PPP1R16B: variants seen among roughly 807,000 people sequenced by gnomAD.
PPP1R16B encodes protein phosphatase 1 regulatory inhibitor subunit 16B.
In PPP1R16B, 14 loss-of-function variants were observed where a neutral mutation model predicts 61.7. That is an observed-to-expected ratio of 0.23 (90% CI 0.15 to 0.35). PPP1R16B has a LOEUF of 0.35. Among genes scored for constraint, PPP1R16B ranks in the 10% least tolerant of loss-of-function variants. The pLI, the probability that PPP1R16B is intolerant of heterozygous loss-of-function variation, is 1.00. For synonymous variants in PPP1R16B, 266 were observed against 305.3 expected (o/e 0.87, Z 1.34); for missense variants, 547 against 752.5 (o/e 0.73, Z 3.19).
intron 1 of PPP1R16B, among the ~76,000 whole-genome samples, chr20:38,814,486 A>G (rs1009085762): frequency 6.6e-6 from 1 of 152,170 alleles, no homozygotes; most frequent in Non-Finnish European, 1.5e-5. Context: ...TAAAACAGGA[A>G]TAATAATAGT....
chr20:38,888,237 G>A (rs2085261366), intron 2 of PPP1R16B, among the ~76,000 whole-genome samples: 2 of 152,208 alleles, frequency 1.3e-5, no homozygotes, highest in East Asian at 1.9e-4. Context: ...CTGGGGGTGG[G>A]AGGAGGCTCA....
At chr20:38,825,549 G>T (rs141398554) in intron 1 of PPP1R16B, among the ~76,000 whole-genome samples, 45 of 152,246 alleles carry the variant, frequency 3.0e-4, no homozygotes, top group Non-Finnish European at 6.0e-4. Flanking sequence ...CCTAGAGTCT[G>T]GATCTAGTCA....
intron 7 of PPP1R16B, 30 bp from the exon 8 acceptor site, chr20:38,906,949 G>T: frequency 2.5e-6 from 4 of 1,597,688 alleles, no homozygotes; most frequent in Non-Finnish European, 3.4e-6. Context: ...TCTGGGCAGG[G>T]GGACACATGA....
intron 2 of PPP1R16B, among the ~76,000 whole-genome samples, chr20:38,851,408 T>A (rs1360034525): frequency 6.6e-6 from 1 of 151,592 alleles, no homozygotes; most frequent in African/African-American, 2.4e-5. Context: ...GAGGTTGCAG[T>A]GAGTTGAGAT....
intron 2 of PPP1R16B, among the ~76,000 whole-genome samples, chr20:38,842,420 T>C (rs1357272894): frequency 6.6e-6 from 1 of 152,206 alleles, no homozygotes; most frequent in African/African-American, 2.4e-5. Context: ...TGTTAGAGAC[T>C]TCTGTTTTTC....
At chr20:38,868,903 C>T (rs544395653) in intron 2 of PPP1R16B, among the ~76,000 whole-genome samples, 1 of 152,242 alleles carries the variant, frequency 6.6e-6, no homozygotes, top group South Asian at 2.1e-4. Flanking sequence ...TAAAATATAT[C>T]ATTAAAATAT....
intron 1 of PPP1R16B, among the ~76,000 whole-genome samples, chr20:38,828,486 C>G (rs991118653): frequency 6.6e-6 from 1 of 152,206 alleles, no homozygotes; most frequent in Non-Finnish European, 1.5e-5. Context: ...TCAACTGGCT[C>G]AAATAATAAA....
At chr20:38,885,924 C>T (rs188357009) in intron 2 of PPP1R16B, among the ~76,000 whole-genome samples, 6 of 152,152 alleles carry the variant, frequency 3.9e-5, no homozygotes, top group African/African-American at 9.6e-5. Context: ...TACAGGCGTG[C>T]GCCACCACGC....
At position 38,891,973 on chromosome 20, in the gene PPP1R16B, A is replaced by ATGTGG. The variant is rs374300568; in HGVS notation, c.321+2308_321+2309insTGTGG. Among the ~76,000 whole-genome samples the ATGTGG allele has an allele frequency of 5.0e-3, 757 of 152,282 alleles. 4 individuals carry two copies. Among genetic ancestry groups the ATGTGG allele is most frequent in the African/African-American group, 0.017 (707 of 41,544 alleles). ...CAGCACTCGAAATGTGGCTGATGTG[A>ATGTGG]CTGAGGAAATGGATTTTGAAGTTTA... is the stretch of plus-strand genomic sequence containing the variant. On this transcript the variant is annotated intron_variant, in intron 3 of 10. Coordinates refer to ENST00000299824, the MANE Select transcript of PPP1R16B (RefSeq NM_015568.4).
chr20:38,883,723 A>T (rs2085220657), intron 2 of PPP1R16B, among the ~76,000 whole-genome samples: 1 of 152,196 alleles, frequency 6.6e-6, no homozygotes, highest in Non-Finnish European at 1.5e-5. Flanking sequence ...GAGGTGCAAG[A>T]TGTTGATGGT....
chr20:38,806,632 C>T lies in PPP1R16B; in HGVS notation c.-102+840C>T, dbSNP rs2084663514. 6.6e-6 allele frequency among the ~76,000 whole-genome samples: 1 copy of T among 152,124 alleles called. No individual in the cohort carries two copies. Among genetic ancestry groups the T allele is most frequent in the Non-Finnish European group, 1.5e-5 (1 of 67,996 alleles). ...CACCCGGAGTGCCCAGGCTGAGCTGCCCAGACCGCCCCGGGTGGAGAGCCG... is the reference window on the plus strand; with the variant it reads ...CACCCGGAGTGCCCAGGCTGAGCTGTCCAGACCGCCCCGGGTGGAGAGCCG... On this transcript the variant is annotated intron_variant, in intron 1 of 10. Transcript: ENST00000299824. The surrounding 1 kb of genome is among the most constrained non-coding windows in gnomAD (Gnocchi z 4.5).
intron 2 of PPP1R16B, among the ~76,000 whole-genome samples, chr20:38,885,392 G>T (rs186889961): frequency 1.6e-4 from 24 of 152,258 alleles, no homozygotes; most frequent in Admixed American, 5.2e-4. Context: ...TAGAGGCTTG[G>T]CCTGGGATTG....
At chr20:38,905,751 C>T (rs188411493) in intron 6 of PPP1R16B, among the ~76,000 whole-genome samples, 5 of 152,310 alleles carry the variant, frequency 3.3e-5, no homozygotes, top group African/African-American at 1.2e-4. Flanking sequence ...GATGCTAAGA[C>T]CAACCACAGG....
intron 10 of PPP1R16B, among the ~76,000 whole-genome samples, chr20:38,911,522 A>G (rs1056164869): frequency 6.8e-6 from 1 of 147,708 alleles, no homozygotes; most frequent in Non-Finnish European, 1.5e-5. Context: ...TAAAATTTAC[A>G]TATCCATGCT....
chr20:38,867,409 G>C (rs1243458443), intron 2 of PPP1R16B, among the ~76,000 whole-genome samples: 1 of 152,310 alleles, frequency 6.6e-6, no homozygotes, highest in African/African-American at 2.4e-5. Context: ...GGGATCTGGA[G>C]CGAGACCATC....
At position 38,806,474 on chromosome 20, in the gene PPP1R16B, C is replaced by A. The variant is rs531171299; in HGVS notation, c.-102+682C>A. Reference sequence around the variant, plus strand: ...CCCGTGCGCCGGCGGCTGGGTCCCCCGCGCCAGGAGCGCTCCCCTCTGGGC... The same window carrying A: ...CCCGTGCGCCGGCGGCTGGGTCCCCAGCGCCAGGAGCGCTCCCCTCTGGGC... On this transcript the variant is annotated intron_variant, in intron 1 of 10. Coordinates refer to ENST00000299824, the MANE Select transcript of PPP1R16B (RefSeq NM_015568.4). The surrounding 1 kb of genome is among the most constrained non-coding windows in gnomAD (Gnocchi z 4.5). Among the ~76,000 whole-genome samples, 1 of 152,078 alleles carries A rather than the reference C, an allele frequency of 6.6e-6. No homozygotes were observed. The highest frequency in any genetic ancestry group is 1.5e-5 in the Non-Finnish European group (1 of 67,996).
intron 2 of PPP1R16B, among the ~76,000 whole-genome samples, chr20:38,840,118 C>A (rs1173943967): frequency 6.6e-6 from 1 of 152,190 alleles, no homozygotes; most frequent in East Asian, 1.9e-4. Flanking sequence ...CATCAGTCAG[C>A]CCTTGACCTC....
At chr20:38,850,137 A>T (rs1420325239) in intron 2 of PPP1R16B, among the ~76,000 whole-genome samples, 4 of 152,208 alleles carry the variant, frequency 2.6e-5, no homozygotes, top group Non-Finnish European at 5.9e-5. Flanking sequence ...TGGCAACCTC[A>T]GTAAGAATAA....
chr20:38,835,935 CACGTGG>C lies in PPP1R16B; in HGVS notation c.13_18del (p.Val5_Asp6del). ...GGGGAGGGCGGTGGCCATGGCCAGTCACGTGGACCTGCTGACGGAGCTGCAGCTGCT... is the reference window on the plus strand; with the variant it reads ...GGGGAGGGCGGTGGCCATGGCCAGTCACCTGCTGACGGAGCTGCAGCTGCT... On this transcript the variant is annotated inframe_deletion, in exon 2 of 11. Transcript: ENST00000299824. The C allele has an allele frequency of 1.3e-6, 2 of 1,540,756 alleles. No individual in the cohort carries two copies. The highest frequency in any genetic ancestry group is 2.4e-5 in the South Asian group (2 of 83,746).
Sources: gnomAD v4.1 joint callset for allele counts (sites outside exome capture counted in the v4.1 genomes callset) on GRCh38, gnomAD v4.1.1 for gene constraint, Gnocchi (gnomAD v3.1) non-coding constraint, MANE v1.5 for transcripts, NCBI Gene and HGNC (gene_info 2026-07-23, HGNC 2026-07-21) for gene names.